Variants in PRKCE observed in about 807,000 individuals in gnomAD.
PRKCE encodes the protein protein kinase C epsilon type.
A neutral mutation model predicts 85.4 loss-of-function variants in PRKCE; 16 were observed. That is an observed-to-expected ratio of 0.19 (90% CI 0.13 to 0.28). The LOEUF is 0.28. Ranked by LOEUF, PRKCE falls within the 10% of genes least tolerant of loss-of-function variation. PRKCE has a pLI of 1.00. For missense variants in PRKCE, 573 were observed against 975.2 expected, an observed-to-expected ratio of 0.59 and a Z score of 5.49; for synonymous variants, 388 against 371.5, an observed-to-expected ratio of 1.04 and a Z score of -0.51.
chr2:45,881,842 A>T (rs140755661), intron 2 of PRKCE, among the ~76,000 whole-genome samples: 2 of 152,344 alleles, frequency 1.3e-5, no homozygotes, highest in Admixed American at 1.3e-4. Flanking sequence ...AAGGCTATCC[A>T]GGGCTCTGTG....
At chr2:45,739,589 G>A (rs2104625765) in intron 1 of PRKCE, among the ~76,000 whole-genome samples, 1 of 152,244 alleles carries the variant, frequency 6.6e-6, no homozygotes, top group East Asian at 1.9e-4. Flanking sequence ...AGTGAAAGAA[G>A]CCAGACTGAA....
At position 45,669,355 on chromosome 2, in the gene PRKCE, T is replaced by C. The variant is rs72884447; in HGVS notation, c.348+16907T>C. 7.5e-3 allele frequency among the ~76,000 whole-genome samples: 1,146 copies of C among 152,330 alleles called. 12 individuals are homozygous for C. The highest frequency in any genetic ancestry group is 0.026 in the African/African-American group (1,084 of 41,574). ...AGACTAAGAAAGCCTCCTTTTCGCC[T>C]GGAGAATGAATTAGGCCCATCAGGA... On this transcript the variant is annotated intron_variant, in intron 1 of 14. Coordinates refer to ENST00000306156, the MANE Select transcript of PRKCE (RefSeq NM_005400.3).
At chr2:45,746,682 C>T (rs985712031) in intron 1 of PRKCE, among the ~76,000 whole-genome samples, 1 of 152,152 alleles carries the variant, frequency 6.6e-6, no homozygotes, top group Non-Finnish European at 1.5e-5. Context: ...CCGCCTTTCC[C>T]ACAGCATCCC....
chr2:45,958,464 G>A (rs1355427792), intron 2 of PRKCE, among the ~76,000 whole-genome samples: 3 of 147,100 alleles, frequency 2.0e-5, no homozygotes, highest in East Asian at 2.0e-4. Context: ...AGCTGAGATC[G>A]CACCACTGCA....
chr2:45,851,219 T>C (rs1692228171), intron 2 of PRKCE, among the ~76,000 whole-genome samples: 1 of 152,236 alleles, frequency 6.6e-6, no homozygotes, highest in Non-Finnish European at 1.5e-5. Context: ...CACTGAAGAT[T>C]CATTTGAACA....
chr2:45,968,376 A>T (rs1036263596), intron 2 of PRKCE, among the ~76,000 whole-genome samples: 2 of 152,242 alleles, frequency 1.3e-5, no homozygotes, highest in African/African-American at 2.4e-5. Context: ...TAACTCAGGA[A>T]TTGAAAACCA....
chr2:46,098,130 G>T (rs558760034), intron 11 of PRKCE, among the ~76,000 whole-genome samples: 1 of 152,158 alleles, frequency 6.6e-6, no homozygotes, highest in African/African-American at 2.4e-5. Flanking sequence ...GAGGGACCCC[G>T]TCATCTCTTA....
chr2:45,662,586 C>T (rs1451301642), intron 1 of PRKCE, among the ~76,000 whole-genome samples: 8 of 152,084 alleles, frequency 5.3e-5, no homozygotes, highest in African/African-American at 1.9e-4. Flanking sequence ...CTGGACCCTA[C>T]ATTCTGGGCC....
intron 1 of PRKCE, among the ~76,000 whole-genome samples, chr2:45,735,925 A>G (rs1015574649): frequency 1.3e-5 from 2 of 152,180 alleles, no homozygotes; most frequent in Non-Finnish European, 2.9e-5. Context: ...GTCTTCCTAT[A>G]TATTGTCCCA....
intron 10 of PRKCE, among the ~76,000 whole-genome samples, chr2:46,028,280 C>T (rs1574276581): frequency 6.6e-6 from 1 of 152,198 alleles, no homozygotes; most frequent in Non-Finnish European, 1.5e-5. Context: ...AGCCCAGCCT[C>T]ACTCTTTCAG....
chr2:45,838,128 G>T (rs1316825665), intron 1 of PRKCE, among the ~76,000 whole-genome samples: 1 of 152,172 alleles, frequency 6.6e-6, no homozygotes, highest in African/African-American at 2.4e-5. Context: ...GGTGGTCAAG[G>T]TGTCTGAGGT....
chr2:45,671,242 G>C (rs542564757), intron 1 of PRKCE, among the ~76,000 whole-genome samples: 9 of 152,172 alleles, frequency 5.9e-5, no homozygotes, highest in Non-Finnish European at 1.0e-4. Context: ...TATTCAAAGC[G>C]GGAATTAAGA....
intron 11 of PRKCE, among the ~76,000 whole-genome samples, chr2:46,130,767 C>T (rs1263487887): frequency 6.6e-6 from 1 of 152,210 alleles, no homozygotes; most frequent in Non-Finnish European, 1.5e-5. Flanking sequence ...CATTAGAAAA[C>T]ACATTAAGAT....
chr2:45,808,224 A>G (rs1255502268), intron 1 of PRKCE, among the ~76,000 whole-genome samples: 1 of 152,036 alleles, frequency 6.6e-6, no homozygotes, highest in Non-Finnish European at 1.5e-5. Flanking sequence ...CTTCCCCTTT[A>G]ACATTCAACG....
At chr2:45,879,012 G>A (rs1404375436) in intron 2 of PRKCE, among the ~76,000 whole-genome samples, 1 of 152,186 alleles carries the variant, frequency 6.6e-6, no homozygotes, top group African/African-American at 2.4e-5. Context: ...TCCCTGGTAA[G>A]GGCCCCACCC....
intron 2 of PRKCE, among the ~76,000 whole-genome samples, chr2:45,930,635 C>T (rs1335568242): frequency 6.6e-6 from 1 of 152,200 alleles, no homozygotes; most frequent in Admixed American, 6.5e-5. Flanking sequence ...TCTGCTGCCT[C>T]ATGACTGGGA....
At chr2:46,075,868 G>A (rs1668513057) in intron 10 of PRKCE, among the ~76,000 whole-genome samples, 1 of 152,244 alleles carries the variant, frequency 6.6e-6, no homozygotes, top group Non-Finnish European at 1.5e-5. Context: ...ACAGCATTGG[G>A]TAGAGGCCTG....
chr2:45,711,715 C>T (rs1679653622), intron 1 of PRKCE, among the ~76,000 whole-genome samples: 1 of 152,122 alleles, frequency 6.6e-6, no homozygotes, highest in Non-Finnish European at 1.5e-5. Context: ...GCAACCTCTG[C>T]CTCTCTGGTT....
Position 46,050,748 on chromosome 2 carries a change from T to C in PRKCE, c.1438-35460T>C, listed in dbSNP as rs373378862. On this transcript the variant is annotated intron_variant, in intron 10 of 14. Coordinates refer to ENST00000306156, the MANE Select transcript of PRKCE (RefSeq NM_005400.3). The stretch of plus-strand genomic sequence containing the variant: ...CTTGATGGACCTTTGATTTCTTTTT[T>C]CCCCCCCAGCCACGTCCTGGGAATA... Among the ~76,000 whole-genome samples the C allele has an allele frequency of 1.2e-3, 188 of 152,078 alleles. 1 individual carries two copies. Among genetic ancestry groups the C allele is most frequent in the African/African-American group, 4.1e-3 (169 of 41,426 alleles).
Sources: allele counts gnomAD v4.1 joint callset (sites outside exome capture counted in the v4.1 genomes callset), GRCh38; gene constraint gnomAD v4.1.1; transcripts MANE v1.5; gene names NCBI Gene and HGNC (gene_info 2026-07-23, HGNC 2026-07-21).